The following MAGI2 variants were observed in gnomAD, a reference collection of about 807,000 sequenced individuals.
The protein encoded by MAGI2 is membrane associated guanylate kinase, WW and PDZ domain containing 2.
MAGI2 carries 35 observed loss-of-function variants against 133.3 expected under a neutral mutation model. The ratio of observed to expected loss-of-function variants is 0.26; its 90% CI spans 0.20 to 0.35. The LOEUF is 0.35. Ranked by LOEUF, MAGI2 falls within the 10% of genes least tolerant of loss-of-function variation. The probability of loss-of-function intolerance (pLI) is 1.00; values close to 1 mark genes in which losing one functional copy is unlikely to be tolerated. For synonymous variants in MAGI2, 729 were observed against 710.6 expected (o/e 1.03, Z -0.41); for missense variants, 1,636 against 1,863.4 (o/e 0.88, Z 2.25).
chr7:78,210,197 A>ATTAT (rs1405028696), intron 10 of MAGI2, among the ~76,000 whole-genome samples: 1 of 152,212 alleles, frequency 6.6e-6, no homozygotes, highest in Non-Finnish European at 1.5e-5. Context: ...TAGTGGAGAT[A>ATTAT]TTATACCTAT....
intron 1 of MAGI2, among the ~76,000 whole-genome samples, chr7:79,251,830 G>T (rs1234702711): frequency 6.6e-6 from 1 of 151,908 alleles, no homozygotes; most frequent in Non-Finnish European, 1.5e-5. Flanking sequence ...ATTTGTAAGC[G>T]ATCTAAATGT....
At chr7:78,077,621 T>C (rs1815474417) in intron 21 of MAGI2, among the ~76,000 whole-genome samples, 1 of 102,860 alleles carries the variant, frequency 9.7e-6, no homozygotes, top group South Asian at 3.3e-4. Context: ...AGATATTTCA[T>C]TTGAACTCAG....
chr7:78,981,674 A>C (rs2116185634), intron 2 of MAGI2, among the ~76,000 whole-genome samples: 1 of 152,030 alleles, frequency 6.6e-6, no homozygotes, highest in South Asian at 2.1e-4. Flanking sequence ...TTAGCTTTAA[A>C]GAAAATTTTT....
At chr7:78,346,752 G>C (rs1790953907) in intron 7 of MAGI2, among the ~76,000 whole-genome samples, 1 of 152,140 alleles carries the variant, frequency 6.6e-6, no homozygotes, top group Admixed American at 6.5e-5. Context: ...GAAATGCAGA[G>C]TTCCTTATCT....
chr7:79,186,209 TATATATATATATATATATATATATATATA>T (rs1827092017), intron 1 of MAGI2, among the ~76,000 whole-genome samples: 1 of 3,796 alleles, frequency 2.6e-4, no homozygotes, highest in African/African-American at 4.3e-4. Flanking sequence ...TATATATATA[TATATATATATATATATATATATATATATA>T]TATATTTATA....
chr7:78,796,319 T>C (rs1007891171), intron 2 of MAGI2, among the ~76,000 whole-genome samples: 1 of 151,890 alleles, frequency 6.6e-6, no homozygotes, highest in Non-Finnish European at 1.5e-5. Context: ...TAAAAAATGA[T>C]CAAAAGACCT....
At chr7:78,283,100 T>C (rs1304397546) in intron 9 of MAGI2, among the ~76,000 whole-genome samples, 1 of 152,110 alleles carries the variant, frequency 6.6e-6, no homozygotes, top group African/African-American at 2.4e-5. Context: ...TGAGCTCCAG[T>C]GATACTTCTG....
chr7:78,087,704 G>T (rs1219578497), intron 20 of MAGI2, among the ~76,000 whole-genome samples: 2 of 152,154 alleles, frequency 1.3e-5, no homozygotes, highest in Non-Finnish European at 2.9e-5. Flanking sequence ...GACATGAATG[G>T]TATTTTGTAT....
rs115236341 is a variant in MAGI2, at chr7:78,329,059, C to T, written c.1408+14719G>A. ...TTGCCATTAAAAAAAGCAAAATTTA[C>T]CTTACAGAGTTTGATTTTCCAGCAA... On this transcript the variant is annotated intron_variant, in intron 9 of 21. Transcript: ENST00000354212. 3.4e-3 allele frequency among the ~76,000 whole-genome samples: 520 copies of T among 152,158 alleles called. 4 individuals are homozygous for T. The highest frequency in any genetic ancestry group is 0.012 in the African/African-American group (505 of 41,530).
chr7:79,357,203 G>T (rs532978024), intron 1 of MAGI2, among the ~76,000 whole-genome samples: 3 of 152,154 alleles, frequency 2.0e-5, no homozygotes, highest in Non-Finnish European at 4.4e-5. Flanking sequence ...GAAAGTCAAA[G>T]AACAGCTAAA....
rs147087565 is a variant in MAGI2, at chr7:78,112,785, T to C, written c.3567+12909A>G. On this transcript the variant is annotated intron_variant, in intron 20 of 21. Transcript: ENST00000354212. The stretch of plus-strand genomic sequence containing the variant: ...AACATGATTCCTGCTCTTGCAGAGC[T>C]TATGCTCTGGAAAGACAGACTTCAT... 9.8e-5 allele frequency among the ~76,000 whole-genome samples: 15 copies of C among 152,344 alleles called. No homozygotes were observed. In the South Asian group the frequency reaches 2.1e-3, roughly 21 times the overall value.
chr7:79,378,790 T>A (rs979349933), intron 1 of MAGI2, among the ~76,000 whole-genome samples: 1 of 150,790 alleles, frequency 6.6e-6, no homozygotes, highest in Admixed American at 6.6e-5. Flanking sequence ...ACAGTGCGAC[T>A]GAGGCATCTA....
intron 1 of MAGI2, among the ~76,000 whole-genome samples, chr7:79,294,695 T>C (rs1836774081): frequency 6.6e-6 from 1 of 151,344 alleles, no homozygotes; most frequent in Non-Finnish European, 1.5e-5. Flanking sequence ...TGTTTCATTA[T>C]GTACAATAAG....
At chr7:79,095,052 G>A (rs1169133346) in intron 1 of MAGI2, among the ~76,000 whole-genome samples, 1 of 152,170 alleles carries the variant, frequency 6.6e-6, no homozygotes, top group African/African-American at 2.4e-5. Flanking sequence ...AGATAGGAAA[G>A]TCCTAGACGG....
At chr7:78,222,794 C>A (rs1788963383) in intron 10 of MAGI2, among the ~76,000 whole-genome samples, 1 of 152,094 alleles carries the variant, frequency 6.6e-6, no homozygotes, top group Non-Finnish European at 1.5e-5. Context: ...AAATGAAAAG[C>A]CAGAAAAGAG....
chr7:79,189,312 CA>C (rs34814587), intron 1 of MAGI2, among the ~76,000 whole-genome samples: 4,182 of 74,310 alleles, frequency 0.056, 56 homozygotes, highest in African/African-American at 0.098. Context: ...TTTTTATAGG[CA>C]AAAAAAAAAA....
At chr7:79,305,956 C>G (rs1467694533) in intron 1 of MAGI2, among the ~76,000 whole-genome samples, 1 of 150,070 alleles carries the variant, frequency 6.7e-6, no homozygotes, top group Non-Finnish European at 1.5e-5. Context: ...ATAGGAAAGG[C>G]TTTGGAAATT....
At chr7:79,312,681 C>G (rs1838380776) in intron 1 of MAGI2, among the ~76,000 whole-genome samples, 1 of 152,180 alleles carries the variant, frequency 6.6e-6, no homozygotes, top group Non-Finnish European at 1.5e-5. Context: ...TTATTAACTA[C>G]TGTGCTCCAG....
chr7:78,503,518 TAA>T (rs565369891), intron 4 of MAGI2, among the ~76,000 whole-genome samples: 39 of 146,700 alleles, frequency 2.7e-4, no homozygotes, highest in South Asian at 1.4e-3. Flanking sequence ...GATGGTTTTA[TAA>T]GTGTCTGGCA....
Sources: gnomAD v4.1 joint callset for allele counts (sites outside exome capture counted in the v4.1 genomes callset) on GRCh38, gnomAD v4.1.1 for gene constraint, MANE v1.5 for transcripts, NCBI Gene and HGNC (gene_info 2026-07-23, HGNC 2026-07-21) for gene names.